Variants in PCDHGA1 observed in about 807,000 individuals in gnomAD.
The protein encoded by PCDHGA1 is protocadherin gamma subfamily A, 1.
Under a neutral mutation model 58.0 loss-of-function variants are expected in PCDHGA1, and 32 were observed. The ratio of observed to expected loss-of-function variants is 0.55; its 90% CI spans 0.42 to 0.74. The LOEUF (loss-of-function observed/expected upper bound fraction) is 0.74, where lower values mean the gene tolerates loss of function less well. Ranked by LOEUF, PCDHGA1 falls within the 30% of genes least tolerant of loss-of-function variation. The probability of loss-of-function intolerance (pLI) is 0.00; values close to 1 mark genes in which losing one functional copy is unlikely to be tolerated. For synonymous variants in PCDHGA1, 498 were observed against 501.1 expected (o/e 0.99, Z 0.08); for missense variants, 1,205 against 1,182.3 (o/e 1.02, Z -0.28).
chr5:141,363,318 A>C (rs1762874223), intron 1 of PCDHGA1, among the ~76,000 whole-genome samples: 1 of 152,190 alleles, frequency 6.6e-6, no homozygotes, highest in Admixed American at 6.5e-5. Flanking sequence ...GTTTTCTATG[A>C]AAGTGTTATT....
chr5:141,354,959 G>A, intron 1 of PCDHGA1: 1 of 493,026 alleles, frequency 2.0e-6, no homozygotes, highest in East Asian at 3.2e-5. Context: ...GCAGTAACAG[G>A]TTAAGACTCT....
In PCDHGA1 at chr5:141,339,146, C is replaced by T. The variant is rs746677262; in HGVS notation, c.2421+6041C>T. ...GGACTTGGGTTTGGAGCCCCTGGCA[C>T]TGGCAGAGCAGGGAGTCCGCATCGT... is the stretch of plus-strand genomic sequence containing the variant. On this transcript the variant is annotated intron_variant, in intron 1 of 3. Coordinates refer to ENST00000517417, the MANE Select transcript of PCDHGA1 (RefSeq NM_018912.3). 3.1e-6 allele frequency: 5 copies of T among 1,614,218 alleles called. No individual in the cohort carries two copies. The African/African-American group carries it at 5.3e-5, about 17-fold the overall frequency.
chr5:141,388,774 G>T, intron 1 of PCDHGA1: 1 of 1,613,878 alleles, frequency 6.2e-7, no homozygotes, highest in Non-Finnish European at 8.5e-7. Context: ...TCTAACACCG[G>T]GGAAATTACT....
Position 141,477,265 on chromosome 5 carries a change from G to T in PCDHGA1, c.2422-17542G>T. On this transcript the variant is annotated intron_variant, in intron 1 of 3. Coordinates refer to ENST00000517417, the MANE Select transcript of PCDHGA1 (RefSeq NM_018912.3). The surrounding 1 kb of genome is among the most constrained non-coding windows in gnomAD (Gnocchi z 4.9). ...GTGTGACTGACCTGGATGCTGGCGA[G>T]AACGGGCTGGTGACCTGCGAAGTTC... 6.2e-7 allele frequency: 1 copy of T among 1,614,198 alleles called. No individual in the cohort carries two copies. Among genetic ancestry groups the T allele is most frequent in the Non-Finnish European group, 8.5e-7 (1 of 1,180,044 alleles).
At chr5:141,406,870 G>T (rs903338003) in intron 1 of PCDHGA1, among the ~76,000 whole-genome samples, 1 of 152,230 alleles carries the variant, frequency 6.6e-6, no homozygotes, top group Non-Finnish European at 1.5e-5. Flanking sequence ...CTCAGGAACT[G>T]CTGGGAAGAT....
chr5:141,389,771 C>T lies in PCDHGA1; in HGVS notation c.2421+56666C>T, dbSNP rs1239854891. 4 of 1,613,088 alleles carry T rather than the reference C, an allele frequency of 2.5e-6. No homozygotes were observed. The Admixed American group carries it at 5.0e-5, about 20-fold the overall frequency. ...CGGGCGAAGTGCGCACAGCGCGTGC[C>T]TTAGGCGACAGGGACGCCGTCCGCC... is the stretch of plus-strand genomic sequence containing the variant. On this transcript the variant is annotated intron_variant, in intron 1 of 3. Coordinates refer to ENST00000517417, the MANE Select transcript of PCDHGA1 (RefSeq NM_018912.3).
intron 1 of PCDHGA1, among the ~76,000 whole-genome samples, chr5:141,459,691 C>T (rs754899227): frequency 3.9e-5 from 6 of 152,158 alleles, no homozygotes; most frequent in East Asian, 1.9e-4. Flanking sequence ...TAAAGCGTTC[C>T]GCTTGCTACA....
chr5:141,409,818 C>T (rs1027344375), intron 1 of PCDHGA1: 2 of 1,610,918 alleles, frequency 1.2e-6, no homozygotes, highest in Non-Finnish European at 1.7e-6. Context: ...GACCACGGCT[C>T]GCCCACGCTC....
At chr5:141,361,981 C>T in intron 1 of PCDHGA1, 1 of 1,601,314 alleles carries the variant, frequency 6.2e-7, no homozygotes, top group Non-Finnish European at 8.5e-7. Context: ...CGAGCCCGGG[C>T]TCTTCAGCCT....
At position 141,487,565 on chromosome 5, in the gene PCDHGA1, G is replaced by A. The variant is rs1473034794; in HGVS notation, c.2422-7242G>A. ...GTCACCCAGTGCACCTATGGCAGGGGAGCCTGTTCGCCCAAGCTGCCCACC... is the reference window on the plus strand; with the variant it reads ...GTCACCCAGTGCACCTATGGCAGGGAAGCCTGTTCGCCCAAGCTGCCCACC... On this transcript the variant is annotated intron_variant, in intron 1 of 3. Transcript: ENST00000517417. This position sits in a 1 kb window ranked among gnomAD's most constrained non-coding sequence, Gnocchi z 5.0. The A allele has an allele frequency of 6.2e-7, 1 of 1,614,164 alleles. No individual in the cohort carries two copies. Among genetic ancestry groups the A allele is most frequent in the East Asian group, 2.2e-5 (1 of 44,856 alleles).
chr5:141,423,985 C>T (rs1334591897), intron 1 of PCDHGA1: 2 of 1,100,512 alleles, frequency 1.8e-6, no homozygotes, highest in Non-Finnish European at 2.2e-6. Flanking sequence ...ATGAGGCTCT[C>T]AATTTATTAT....
chr5:141,354,321 T>C (rs1759514150), intron 1 of PCDHGA1, among the ~76,000 whole-genome samples: 1 of 152,240 alleles, frequency 6.6e-6, no homozygotes. Flanking sequence ...ATTACTACTC[T>C]ATGAAAGGTA....
chr5:141,388,373 T>TA (rs1239214460), intron 1 of PCDHGA1: 2 of 1,613,980 alleles, frequency 1.2e-6, no homozygotes, highest in African/African-American at 2.7e-5. Context: ...CGGATATTGG[T>TA]AGCAACACAC....
chr5:141,420,080 C>T (rs754438863), intron 1 of PCDHGA1: 2 of 1,614,010 alleles, frequency 1.2e-6, no homozygotes, highest in Non-Finnish European at 1.7e-6. Context: ...TGTGGGTCCC[C>T]CCAACTACAG....
chr5:141,408,079 A>C (rs1176059527), intron 1 of PCDHGA1: 13 of 1,407,872 alleles, frequency 9.2e-6, no homozygotes, highest in Non-Finnish European at 1.1e-5. Context: ...CTTTCCCAGC[A>C]CAGCGGATTG....
intron 1 of PCDHGA1, chr5:141,398,585 T>C (rs200356405): frequency 1.9e-6 from 3 of 1,614,080 alleles, no homozygotes; most frequent in Non-Finnish European, 2.5e-6. Flanking sequence ...ACAAGATTTA[T>C]ACTAGAAGTA....
At position 141,365,464 on chromosome 5, in the gene PCDHGA1, A is replaced by C. The variant is rs1763932491; in HGVS notation, c.2421+32359A>C. Reference sequence around the variant, plus strand: ...GCGTACATGATGGTGATTCTGGAGAAAATGGTGAGATTGCATGCTCTATTC... The same window carrying C: ...GCGTACATGATGGTGATTCTGGAGACAATGGTGAGATTGCATGCTCTATTC... On this transcript the variant is annotated intron_variant, in intron 1 of 3. Coordinates refer to ENST00000517417, the MANE Select transcript of PCDHGA1 (RefSeq NM_018912.3). The C allele has an allele frequency of 1.9e-6, 3 of 1,614,072 alleles. No individual in the cohort carries two copies. In the East Asian group the frequency reaches 6.7e-5, roughly 36 times the overall value.
At chr5:141,343,385 A>C in intron 1 of PCDHGA1, 1 of 981,946 alleles carries the variant, frequency 1.0e-6, no homozygotes, top group Non-Finnish European at 1.2e-6. Context: ...AAGGTCAAAG[A>C]GGAGGTGGAT....
intron 1 of PCDHGA1, chr5:141,420,079 C>T (rs1362049053): frequency 6.2e-7 from 1 of 1,613,998 alleles, no homozygotes; most frequent in Non-Finnish European, 8.5e-7. Flanking sequence ...CTGTGGGTCC[C>T]CCCAACTACA....
Sources: allele counts gnomAD v4.1 joint callset (sites outside exome capture counted in the v4.1 genomes callset), GRCh38; gene constraint gnomAD v4.1.1; non-coding constraint Gnocchi (gnomAD v3.1); transcripts MANE v1.5; gene names NCBI Gene and HGNC (gene_info 2026-07-23, HGNC 2026-07-21).